The following AGBL4 variants were observed in gnomAD, a reference collection of about 807,000 sequenced individuals.
AGBL4 encodes the protein AGBL carboxypeptidase 4.
A neutral mutation model predicts 66.4 loss-of-function variants in AGBL4; 58 were observed. The ratio of observed to expected loss-of-function variants is 0.87; its 90% CI spans 0.71 to 1.09. AGBL4 has a LOEUF of 1.09. Among genes scored for constraint, AGBL4 ranks in the 50% least tolerant of loss-of-function variants. AGBL4 has a pLI of 0.00. For missense variants in AGBL4, 579 were observed against 631.0 expected (o/e 0.92, Z 0.88); for synonymous variants, 234 against 222.9 (o/e 1.05, Z -0.44).
At chr1:48,940,193 C>T (rs1655844713) in intron 5 of AGBL4, among the ~76,000 whole-genome samples, 1 of 152,176 alleles carries the variant, frequency 6.6e-6, no homozygotes, top group South Asian at 2.1e-4. Flanking sequence ...GCCTGGCCAA[C>T]ATGGTGAAAC....
chr1:48,547,834 G>A (rs1644189105), intron 11 of AGBL4, among the ~76,000 whole-genome samples: 1 of 152,116 alleles, frequency 6.6e-6, no homozygotes, highest in African/African-American at 2.4e-5. Flanking sequence ...TGGGAATCAA[G>A]AGACCAATGT....
chr1:49,403,117 C>A (rs1645122617), intron 3 of AGBL4, among the ~76,000 whole-genome samples: 1 of 152,154 alleles, frequency 6.6e-6, no homozygotes, highest in Non-Finnish European at 1.5e-5. Context: ...TGGAAAAAAT[C>A]TTTCTTTAGC....
chr1:49,396,026 A>G (rs1379309169), intron 3 of AGBL4, among the ~76,000 whole-genome samples: 4 of 150,962 alleles, frequency 2.6e-5, no homozygotes, highest in Non-Finnish European at 4.4e-5. Flanking sequence ...GTCTACATCA[A>G]CCAAATTATC....
chr1:49,662,244 AT>A (rs1646283991), intron 3 of AGBL4, among the ~76,000 whole-genome samples: 1 of 151,184 alleles, frequency 6.6e-6, no homozygotes, highest in Non-Finnish European at 1.5e-5. Context: ...TACATTATAT[AT>A]GTGTAATATA....
chr1:48,859,547 T>C (rs1253815843), intron 6 of AGBL4, among the ~76,000 whole-genome samples: 1 of 152,178 alleles, frequency 6.6e-6, no homozygotes. Flanking sequence ...AAAGTCTTTG[T>C]GTAAAGGTCT....
At chr1:49,983,646 C>T (rs1006903347) in intron 1 of AGBL4, among the ~76,000 whole-genome samples, 16 of 152,354 alleles carry the variant, frequency 1.1e-4, no homozygotes, top group African/African-American at 2.4e-4. Context: ...CCAAGCATCC[C>T]GTAACATTAG....
intron 4 of AGBL4, among the ~76,000 whole-genome samples, chr1:49,185,488 C>A (rs555530225): frequency 6.6e-6 from 1 of 152,282 alleles, no homozygotes; most frequent in African/African-American, 2.4e-5. Context: ...CTTTCACCAC[C>A]CTCAGAATAG....
intron 3 of AGBL4, among the ~76,000 whole-genome samples, chr1:49,501,062 G>C (rs1045709935): frequency 6.6e-6 from 1 of 151,966 alleles, no homozygotes; most frequent in African/African-American, 2.4e-5. Flanking sequence ...GTGTTTTGTA[G>C]TTTTCCTTGT....
At chr1:49,674,571 TAC>T (rs139707283) in intron 3 of AGBL4, among the ~76,000 whole-genome samples, 3,050 of 143,728 alleles carry the variant, frequency 0.021, 39 homozygotes, top group African/African-American at 0.04. Context: ...AAGAATAAAA[TAC>T]ACACACACAC....
intron 2 of AGBL4, among the ~76,000 whole-genome samples, chr1:49,782,531 GC>G (rs1191844708): frequency 6.6e-6 from 1 of 152,166 alleles, no homozygotes; most frequent in Admixed American, 6.5e-5. Flanking sequence ...CTAGGAGGTA[GC>G]ATCTTTAAGA....
chr1:49,918,189 G>A (rs1361225439), intron 1 of AGBL4, among the ~76,000 whole-genome samples: 4 of 152,046 alleles, frequency 2.6e-5, no homozygotes, highest in African/African-American at 9.7e-5. Flanking sequence ...AGAAGCAAGA[G>A]CAAACACATT....
chr1:49,548,111 T>C (rs190128413), intron 3 of AGBL4, among the ~76,000 whole-genome samples: 45 of 152,316 alleles, frequency 3.0e-4, no homozygotes, highest in Admixed American at 2.7e-3. Context: ...GCTTGGTTGC[T>C]GTCGTTGTAA....
chr1:48,706,795 C>T (rs543873724), intron 6 of AGBL4, among the ~76,000 whole-genome samples: 1 of 152,322 alleles, frequency 6.6e-6, no homozygotes, highest in South Asian at 2.1e-4. Flanking sequence ...ATCTGGGGTT[C>T]CCACATCTGA....
At chr1:49,178,744 G>A (rs1270709858) in intron 4 of AGBL4, among the ~76,000 whole-genome samples, 1 of 152,150 alleles carries the variant, frequency 6.6e-6, no homozygotes, top group Non-Finnish European at 1.5e-5. Context: ...GGGGTTGAGT[G>A]AGCTGAGCCT....
chr1:48,726,895 A>G (rs1176038845), intron 6 of AGBL4, among the ~76,000 whole-genome samples: 3 of 152,246 alleles, frequency 2.0e-5, no homozygotes, highest in Non-Finnish European at 4.4e-5. Context: ...AGAAAATGGA[A>G]ACTCAGAGAG....
chr1:49,895,505 T>C (rs1448326543), intron 1 of AGBL4, among the ~76,000 whole-genome samples: 3 of 151,964 alleles, frequency 2.0e-5, no homozygotes, highest in Non-Finnish European at 4.4e-5. Context: ...ACATAAATAG[T>C]ACAATAAGAT....
chr1:50,000,933 T>A (rs1192345832), intron 1 of AGBL4, among the ~76,000 whole-genome samples: 1 of 151,858 alleles, frequency 6.6e-6, no homozygotes, highest in African/African-American at 2.4e-5. Flanking sequence ...GGGTAAGGGA[T>A]AAAAAACTAC....
intron 6 of AGBL4, among the ~76,000 whole-genome samples, chr1:48,721,981 G>T (rs557940475): frequency 3.5e-4 from 54 of 152,226 alleles, no homozygotes; most frequent in African/African-American, 1.3e-3. Context: ...GATGGTGAAT[G>T]GAATTATGTT....
At chr1:48,711,552 AGAGC>A (rs1646967351) in intron 6 of AGBL4, among the ~76,000 whole-genome samples, 1 of 152,182 alleles carries the variant, frequency 6.6e-6, no homozygotes, top group African/African-American at 2.4e-5. Context: ...ACAGGCCCAA[AGAGC>A]ACACGGATGG....
Sources: allele counts gnomAD v4.1 joint callset (sites outside exome capture counted in the v4.1 genomes callset), GRCh38; gene constraint gnomAD v4.1.1; transcripts MANE v1.5; gene names NCBI Gene and HGNC (gene_info 2026-07-23, HGNC 2026-07-21).